GFRA3: variants seen among roughly 807,000 people sequenced by gnomAD.
GFRA3 encodes GDNF family receptor alpha 3, also known as GDNF family receptor alpha-3.
GFRA3 carries 24 observed loss-of-function variants against 40.0 expected under a neutral mutation model. That is an observed-to-expected ratio of 0.60 (90% CI 0.43 to 0.84). The LOEUF (loss-of-function observed/expected upper bound fraction) is 0.84, where lower values mean the gene tolerates loss of function less well. GFRA3 is among the 40% of genes least tolerant of loss of function. The probability of loss-of-function intolerance (pLI) is 0.00; values close to 1 mark genes in which losing one functional copy is unlikely to be tolerated. For synonymous variants in GFRA3, 203 were observed against 213.5 expected (o/e 0.95, Z 0.43); for missense variants, 405 against 530.6 (o/e 0.76, Z 2.33).
chr5:138,261,207 A>G (rs1755705026), intron 2 of GFRA3, among the ~76,000 whole-genome samples: 1 of 152,206 alleles, frequency 6.6e-6, no homozygotes, highest in Non-Finnish European at 1.5e-5. Context: ...GTTGTGTGTG[A>G]TAACTGGGAA....
chr5:138,274,234 G>A (rs1453108380), intron 1 of GFRA3, 100 bp downstream of exon 1: 4 of 1,290,742 alleles, frequency 3.1e-6, no homozygotes, highest in East Asian at 2.8e-5. Context: ...GATGCACCGG[G>A]AGGCTGCTGC....
intron 1 of GFRA3, among the ~76,000 whole-genome samples, chr5:138,269,246 C>G (rs1243501661): frequency 6.6e-6 from 1 of 151,926 alleles, no homozygotes; most frequent in Non-Finnish European, 1.5e-5. Context: ...CCTTAAAGAG[C>G]TAAAAGTAGT....
chr5:138,274,292 C>A, intron 1 of GFRA3, 42 bp downstream of exon 1: 3 of 1,321,542 alleles, frequency 2.3e-6, no homozygotes, highest in Non-Finnish European at 2.9e-6. Context: ...CTCACCTCCC[C>A]CTCCCACTGT....
At position 138,264,281 on chromosome 5, in the gene GFRA3, A is replaced by C; in HGVS notation, c.359T>G (p.Val120Gly). 1 of 1,600,836 alleles carries C rather than the reference A, an allele frequency of 6.2e-7. No individual in the cohort carries two copies. The highest frequency in any genetic ancestry group is 8.6e-7 in the Non-Finnish European group (1 of 1,169,268). Residue 120 changes from valine (V) to glycine (G), a missense_variant, in exon 2 of 8, where the codon GTT becomes GGT. Val to Gly is a moderately radical substitution (Grantham distance 109). Transcript: ENST00000274721. ...CTCACCAAGGCTGCGGGCACGGTGAACGGTCCAATAGATGTCCAAGCAGGC... is the reference window on the plus strand; with the variant it reads ...CTCACCAAGGCTGCGGGCACGGTGACCGGTCCAATAGATGTCCAAGCAGGC... ...QVACLDIYWT[V>G]HRARSLGNYE...
intron 3 of GFRA3, 81 bp downstream of exon 3, chr5:138,259,476 C>A: frequency 1.3e-6 from 1 of 777,860 alleles, no homozygotes; most frequent in Admixed American, 1.7e-5. Flanking sequence ...ATAAGCTCCC[C>A]AACTTCTGCC....
chr5:138,253,151 G>A, intron 7 of GFRA3, 94 bp from the exon 8 acceptor site: 1 of 854,580 alleles, frequency 1.2e-6, no homozygotes, highest in Non-Finnish European at 2.0e-6. Flanking sequence ...CTTCCCCTGA[G>A]GTATCCATTA....
intron 1 of GFRA3, among the ~76,000 whole-genome samples, chr5:138,272,489 AAAAATT>A (rs1435677149): frequency 6.7e-6 from 1 of 149,798 alleles, no homozygotes; most frequent in Non-Finnish European, 1.5e-5. Flanking sequence ...CAAAAAATAC[AAAAATT>A]AACCAGGTGT....
chr5:138,274,457 C>T lies in GFRA3; in HGVS notation c.-33G>A. ...TGTAGGCGCCGGGCTCCGCGCTCCC[C>T]TCGCTCCTCCCCTGGAGCTCTGAGA... On this transcript the variant is annotated 5_prime_UTR_variant, in exon 1 of 8. Coordinates refer to ENST00000274721, the MANE Select transcript of GFRA3 (RefSeq NM_001496.4). 7.8e-7 allele frequency: 1 copy of T among 1,283,990 alleles called. No individual in the cohort carries two copies. Among genetic ancestry groups the T allele is most frequent in the Non-Finnish European group, 9.9e-7 (1 of 1,013,212 alleles). 79.5% of individuals were successfully genotyped at this position (1,283,990 alleles called of 1,614,324 possible).
At chr5:138,271,138 A>G (rs186355151) in intron 1 of GFRA3, among the ~76,000 whole-genome samples, 1,572 of 152,034 alleles carry the variant, frequency 0.01, 25 homozygotes, top group African/African-American at 0.035. Context: ...GATTACAGGT[A>G]TGCCCCACCA....
chr5:138,260,165 A>G (rs1249866516), intron 2 of GFRA3, among the ~76,000 whole-genome samples: 1 of 152,154 alleles, frequency 6.6e-6, no homozygotes, highest in Non-Finnish European at 1.5e-5. Flanking sequence ...TGAGAGGCGT[A>G]CACTTCCTCA....
At chr5:138,254,793 T>C (rs1755602218) in intron 4 of GFRA3, among the ~76,000 whole-genome samples, 1 of 151,806 alleles carries the variant, frequency 6.6e-6, no homozygotes, top group African/African-American at 2.4e-5. Context: ...TTTGTGAGGA[T>C]GAAGTAAGAG....
chr5:138,267,272 A>G (rs1270983292), intron 1 of GFRA3: 3 of 145,838 alleles, frequency 2.1e-5, no homozygotes, highest in East Asian at 4.0e-4. Context: ...GCTCTCTGCA[A>G]TCTCCGCCTC....
intron 3 of GFRA3, among the ~76,000 whole-genome samples, chr5:138,258,166 CTTTTTTTTTTTTT>C (rs66792829): frequency 5.2e-4 from 27 of 51,650 alleles, no homozygotes; most frequent in African/African-American, 1.6e-3. Flanking sequence ...CCCTACTCCT[CTTTTTTTTTTTTT>C]TTTTTTTTTT....
chr5:138,268,409 CAAAA>C (rs59137747), intron 1 of GFRA3, among the ~76,000 whole-genome samples: 10 of 116,086 alleles, frequency 8.6e-5, no homozygotes, highest in Non-Finnish European at 9.2e-5. Context: ...AAAGCAAATG[CAAAA>C]AAAAAAAAAA....
chr5:138,264,430 G>A lies in GFRA3; in HGVS notation c.210C>T (p.Ser70=). 1 of 1,614,098 alleles carries A rather than the reference G, an allele frequency of 6.2e-7. No homozygotes were observed. Among genetic ancestry groups the A allele is most frequent in the South Asian group, 1.1e-5 (1 of 91,082 alleles). Reference sequence around the variant, plus strand: ...CCTCTGAGGGCAGTGGGGTGCTTATGCTAGAGGTGCAGGAATCCAGGTGGT... The same window carrying A: ...CCTCTGAGGGCAGTGGGGTGCTTATACTAGAGGTGCAGGAATCCAGGTGGT... The part of the protein sequence containing the change: ...AYHHLDSCTS[S]ISTPLPSEEP... Residue 70 remains serine (S), a synonymous_variant, in exon 2 of 8, where the codon AGC becomes AGT. Transcript: ENST00000274721.
rs117901044 is a variant in GFRA3, at chr5:138,273,074, A to G, written c.91+1260T>C. Among the ~76,000 whole-genome samples the G allele has an allele frequency of 2.0e-5, 3 of 152,334 alleles. No homozygotes were observed. In the East Asian group the frequency reaches 5.8e-4, roughly 29 times the overall value. On this transcript the variant is annotated intron_variant, in intron 1 of 7. Transcript: ENST00000274721. Reference sequence around the variant, plus strand: ...AGCAAGTCAAGACCGAGTCAAGGCTAGAACCCAGGACTCCAGCCTCCTATC... The same window carrying G: ...AGCAAGTCAAGACCGAGTCAAGGCTGGAACCCAGGACTCCAGCCTCCTATC...
chr5:138,257,677 C>A lies in GFRA3; in HGVS notation c.747G>T (p.Leu249=). 1 of 1,610,054 alleles carries A rather than the reference C, an allele frequency of 6.2e-7. No homozygotes were observed. Among genetic ancestry groups the A allele is most frequent in the East Asian group, 2.2e-5 (1 of 44,834 alleles). Residue 249 remains leucine (L), a synonymous_variant, in exon 4 of 8, where the codon CTG becomes CTT. Coordinates refer to ENST00000274721, the MANE Select transcript of GFRA3 (RefSeq NM_001496.4). The stretch of plus-strand genomic sequence containing the variant: ...CGGAGAAGCAGAGGCGCCGCAGCTC[C>A]AGGCAGTTGGGGGCCACAGGCGGCA... ...CALPPVAPNC[L]ELRRLCFSDP...
Position 138,253,276 on chromosome 5 carries a change from G to T in GFRA3, c.1113+11C>A. On this transcript the variant is annotated intron_variant, in intron 7 of 7. Coordinates refer to ENST00000274721, the MANE Select transcript of GFRA3 (RefSeq NM_001496.4). ...GTAAAGGTCTGAGGGGTGTAACAGAGGAGGCCCTACCTGGTGTGCCATCAC... is the reference window on the plus strand; with the variant it reads ...GTAAAGGTCTGAGGGGTGTAACAGATGAGGCCCTACCTGGTGTGCCATCAC... 6.5e-7 allele frequency: 1 copy of T among 1,543,904 alleles called. No individual in the cohort carries two copies. Among genetic ancestry groups the T allele is most frequent in the Non-Finnish European group, 8.9e-7 (1 of 1,127,800 alleles).
chr5:138,273,159 A>G (rs149348852), intron 1 of GFRA3, among the ~76,000 whole-genome samples: 9 of 152,286 alleles, frequency 5.9e-5, no homozygotes, highest in Admixed American at 2.0e-4. Flanking sequence ...GGTCTCCTAT[A>G]TGCTTGGCTT....
Sources: gnomAD v4.1 joint callset for allele counts (sites outside exome capture counted in the v4.1 genomes callset) on GRCh38, gnomAD v4.1.1 for gene constraint, MANE v1.5 for transcripts, NCBI Gene and HGNC (gene_info 2026-07-23, HGNC 2026-07-21) for gene names.